Variants in NCALD observed in about 807,000 individuals in gnomAD.
The protein encoded by NCALD is neurocalcin-delta.
Under a neutral mutation model 18.6 loss-of-function variants are expected in NCALD, and 10 were observed. That is an observed-to-expected ratio of 0.54 (90% confidence interval 0.33 to 0.91). The LOEUF (loss-of-function observed/expected upper bound fraction) is 0.91, where lower values mean the gene tolerates loss of function less well. Ranked by LOEUF, NCALD falls within the 40% of genes least tolerant of loss-of-function variation. The pLI is 0.03. For missense variants in NCALD, 184 were observed against 247.6 expected, an observed-to-expected ratio of 0.74 and a Z score of 1.72; for synonymous variants, 88 against 87.4, an observed-to-expected ratio of 1.01 and a Z score of -0.04.
intron 2 of NCALD, among the ~76,000 whole-genome samples, chr8:101,960,566 GT>G (rs1819799722): frequency 3.3e-5 from 5 of 152,232 alleles, no homozygotes; most frequent in African/African-American, 1.2e-4. Context: ...ATCAGATCTG[GT>G]GACACCTGTG....
chr8:101,859,493 C>T (rs938862936), intron 4 of NCALD, among the ~76,000 whole-genome samples: 1 of 152,118 alleles, frequency 6.6e-6, no homozygotes, highest in Non-Finnish European at 1.5e-5. Context: ...CTGACTAATA[C>T]AATGATCATT....
chr8:101,773,917 T>C (rs971189183), intron 1 of NCALD, among the ~76,000 whole-genome samples: 3 of 152,190 alleles, frequency 2.0e-5, no homozygotes, highest in Non-Finnish European at 4.4e-5. Flanking sequence ...GACTTTGTTT[T>C]CTCATTTATT....
intron 2 of NCALD, among the ~76,000 whole-genome samples, chr8:101,917,116 A>C (rs549908440): frequency 2.6e-4 from 40 of 152,126 alleles, no homozygotes; most frequent in Non-Finnish European, 5.0e-4. Flanking sequence ...AGTCTCAATA[A>C]ATTTAAAAAT....
intron 4 of NCALD, among the ~76,000 whole-genome samples, chr8:101,809,179 T>C (rs910053238): frequency 2.6e-5 from 4 of 152,162 alleles, no homozygotes; most frequent in Non-Finnish European, 5.9e-5. Context: ...AACTTTAATA[T>C]TTGGTAATGT....
intron 1 of NCALD, among the ~76,000 whole-genome samples, chr8:102,064,952 C>T (rs1430519445): frequency 7.4e-6 from 1 of 134,750 alleles, no homozygotes; most frequent in Non-Finnish European, 1.5e-5. Flanking sequence ...TCTGACATGT[C>T]TTCAGTGGAG....
intron 4 of NCALD, among the ~76,000 whole-genome samples, chr8:101,842,098 A>C (rs1287862768): frequency 6.6e-6 from 1 of 152,200 alleles, no homozygotes; most frequent in Non-Finnish European, 1.5e-5. Flanking sequence ...CTTGGCTTGT[A>C]GATGTCTGTC....
intron 4 of NCALD, among the ~76,000 whole-genome samples, chr8:101,860,168 A>C (rs1815481499): frequency 6.6e-6 from 1 of 152,218 alleles, no homozygotes; most frequent in South Asian, 2.1e-4. Context: ...CTGGACCATG[A>C]CAAATATCTT....
chr8:101,834,448 G>C (rs1330489476), intron 4 of NCALD, among the ~76,000 whole-genome samples: 2 of 152,228 alleles, frequency 1.3e-5, no homozygotes, highest in Admixed American at 6.5e-5. Flanking sequence ...GGTGTGGCTA[G>C]GCCACCGGAT....
chr8:101,817,029 G>A (rs937138941), intron 4 of NCALD, among the ~76,000 whole-genome samples: 1 of 151,942 alleles, frequency 6.6e-6, no homozygotes, highest in Non-Finnish European at 1.5e-5. Context: ...CCTTCAGAGT[G>A]TTTCTATCCA....
intron 1 of NCALD, among the ~76,000 whole-genome samples, chr8:102,113,929 G>A (rs1825708798): frequency 6.6e-6 from 1 of 152,252 alleles, no homozygotes; most frequent in Admixed American, 6.5e-5. Context: ...AATCATTGGT[G>A]TAGTCTAGGC....
At chr8:101,757,531 T>C (rs10091905) in intron 1 of NCALD, among the ~76,000 whole-genome samples, 93,669 of 152,086 alleles carry the variant, frequency 0.62, 31,603 homozygotes, top group Non-Finnish European at 0.75. Context: ...GAAAAATGGC[T>C]GTCATTCTTT....
intron 2 of NCALD, among the ~76,000 whole-genome samples, chr8:101,959,362 A>C (rs1276676774): frequency 6.6e-6 from 1 of 152,112 alleles, no homozygotes; most frequent in African/African-American, 2.4e-5. Flanking sequence ...ACAAAATTTC[A>C]ATTTGTCTCA....
At chr8:102,066,664 C>T (rs1384831636) in intron 1 of NCALD, among the ~76,000 whole-genome samples, 1 of 152,240 alleles carries the variant, frequency 6.6e-6, no homozygotes, top group Non-Finnish European at 1.5e-5. Flanking sequence ...TGTGTGCCCA[C>T]AGGTTAACGT....
At chr8:102,014,848 T>G (rs2132078455) in intron 2 of NCALD, among the ~76,000 whole-genome samples, 1 of 152,290 alleles carries the variant, frequency 6.6e-6, no homozygotes, top group East Asian at 1.9e-4. Flanking sequence ...ATTCTAGACA[T>G]TCTAGTACAC....
chr8:101,997,662 G>A (rs1212427097), intron 2 of NCALD, among the ~76,000 whole-genome samples: 1 of 152,168 alleles, frequency 6.6e-6, no homozygotes, highest in Non-Finnish European at 1.5e-5. Context: ...ACATTTTCAG[G>A]TCGCTCCACT....
At chr8:102,090,940 C>T (rs1172374014) in intron 1 of NCALD, among the ~76,000 whole-genome samples, 1 of 152,120 alleles carries the variant, frequency 6.6e-6, no homozygotes, top group Non-Finnish European at 1.5e-5. Flanking sequence ...CATTAGAAGC[C>T]CCTTGGGAAA....
chr8:101,992,099 G>T (rs990038315), intron 2 of NCALD, among the ~76,000 whole-genome samples: 1 of 152,152 alleles, frequency 6.6e-6, no homozygotes, highest in Non-Finnish European at 1.5e-5. Context: ...TATGAAAGTC[G>T]CATGGGAACT....
intron 1 of NCALD, among the ~76,000 whole-genome samples, chr8:102,024,487 C>G (rs1198036855): frequency 1.3e-5 from 2 of 152,202 alleles, no homozygotes; most frequent in Non-Finnish European, 2.9e-5. Flanking sequence ...TCAAACTTAT[C>G]AAGGGCACTT....
rs71276999 is a variant in NCALD at position 101,693,318 on chromosome 8, G to GTTTTT, written c.379-427_379-423dup. 7.0e-4 allele frequency: 42 copies of GTTTTT among 60,036 alleles called. 3 individuals are homozygous for GTTTTT. Among genetic ancestry groups the GTTTTT allele is most frequent in the East Asian group, 2.3e-3 (5 of 2,192 alleles). The allele number at this position is 60,036 out of a possible 1,614,324, so 3.7% of individuals were successfully genotyped here. On this transcript the variant is annotated intron_variant, in intron 2 of 3. Coordinates refer to ENST00000220931, the MANE Select transcript of NCALD (RefSeq NM_032041.3). Reference sequence around the variant, plus strand: ...AGAGGTACTCCCCACCACACAGGGCGTTTTTTTTTTTTTTTTTTTTTTTTT... The same window carrying GTTTTT: ...AGAGGTACTCCCCACCACACAGGGCGTTTTTTTTTTTTTTTTTTTTTTTTTTTTTT...
Sources: allele counts gnomAD v4.1 joint callset (sites outside exome capture counted in the v4.1 genomes callset), GRCh38; gene constraint gnomAD v4.1.1; transcripts MANE v1.5; gene names NCBI Gene and HGNC (gene_info 2026-07-23, HGNC 2026-07-21).